BCKDHB: variants seen among roughly 807,000 people sequenced by gnomAD.
BCKDHB encodes the protein branched chain keto acid dehydrogenase E1 subunit beta, also known as 2-oxoisovalerate dehydrogenase subunit beta, mitochondrial.
Under a neutral mutation model 48.5 loss-of-function variants are expected in BCKDHB, and 41 were observed. That is an observed-to-expected ratio of 0.85 (90% CI 0.66 to 1.10). The LOEUF is 1.10. BCKDHB is among the 50% of genes least tolerant of loss of function. BCKDHB has a pLI of 0.00. For synonymous variants in BCKDHB, 201 were observed against 174.8 expected (o/e 1.15, Z -1.18); for missense variants, 496 against 494.2 (o/e 1.00, Z -0.03).
At chr6:80,354,076 A>G in the BCKDHB span, among the ~76,000 whole-genome samples, 1 of 152,116 alleles carries the variant, frequency 6.6e-6, no homozygotes, top group East Asian at 1.9e-4. Flanking sequence ...TAGATTCTGG[A>G]TATTAGTCTC....
intron 6 of BCKDHB, among the ~76,000 whole-genome samples, chr6:80,190,752 T>C (rs890098853): frequency 5.9e-5 from 9 of 152,234 alleles, no homozygotes; most frequent in Non-Finnish European, 1.3e-4. Flanking sequence ...CTTGCCCTTC[T>C]GTGTTTTCTT....
rs149654693 is a variant in BCKDHB at position 80,155,953 on chromosome 6, C to A, written c.344-11725C>A. Among the ~76,000 whole-genome samples the A allele has an allele frequency of 1.7e-3, 254 of 150,602 alleles. 1 individual carries two copies. The highest frequency in any genetic ancestry group is 6.0e-3 in the African/African-American group (245 of 41,010). ...CTAAAATAGTGCTTTTAAACATTTG[C>A]CACAGCTCCATGGATAGTTTGTTTT... On this transcript the variant is annotated intron_variant, in intron 3 of 9. Transcript: ENST00000320393.
chr6:80,444,118 T>C, the BCKDHB span, among the ~76,000 whole-genome samples: 1 of 152,180 alleles, frequency 6.6e-6, no homozygotes, highest in Admixed American at 6.6e-5. Flanking sequence ...TAGAAAATAG[T>C]GTTTTTGTGG....
At chr6:80,248,453 A>T (rs1234721992) in intron 8 of BCKDHB, among the ~76,000 whole-genome samples, 1 of 152,146 alleles carries the variant, frequency 6.6e-6, no homozygotes, top group Non-Finnish European at 1.5e-5. Context: ...TTGGTTTGAA[A>T]AAAGATTAAT....
chr6:80,283,291 T>G (rs1766453901), intron 9 of BCKDHB, among the ~76,000 whole-genome samples: 1 of 152,146 alleles, frequency 6.6e-6, no homozygotes, highest in Non-Finnish European at 1.5e-5. Context: ...CTTTTTGGTA[T>G]TGAATTTATC....
At chr6:80,415,944 T>TC in the BCKDHB span, among the ~76,000 whole-genome samples, 1 of 152,146 alleles carries the variant, frequency 6.6e-6, no homozygotes, top group Admixed American at 6.5e-5. Flanking sequence ...TGACTCAATT[T>TC]CAGAGCTTGT....
At chr6:80,268,778 A>G (rs554254338) in intron 8 of BCKDHB, among the ~76,000 whole-genome samples, 2 of 152,280 alleles carry the variant, frequency 1.3e-5, no homozygotes, top group South Asian at 4.1e-4. Flanking sequence ...TTTAAAGGCT[A>G]TATTCACTAA....
intron 9 of BCKDHB, among the ~76,000 whole-genome samples, chr6:80,326,133 G>A (rs1484502473): frequency 1.3e-5 from 2 of 152,088 alleles, no homozygotes; most frequent in African/African-American, 4.8e-5. Flanking sequence ...CCGGTTGTGG[G>A]ATATATGGGA....
chr6:80,311,369 A>C (rs1422733271), intron 9 of BCKDHB, among the ~76,000 whole-genome samples: 1 of 151,952 alleles, frequency 6.6e-6, no homozygotes. Flanking sequence ...AGATTGCAAA[A>C]ATTTTCTCCC....
chr6:80,216,769 C>G (rs1235782585), intron 8 of BCKDHB, among the ~76,000 whole-genome samples: 1 of 152,158 alleles, frequency 6.6e-6, no homozygotes, highest in African/African-American at 2.4e-5. Context: ...GCGTTTAACT[C>G]TCTCCCATTA....
At chr6:80,139,107 A>C (rs955582622) in intron 3 of BCKDHB, among the ~76,000 whole-genome samples, 3 of 152,130 alleles carry the variant, frequency 2.0e-5, no homozygotes, top group African/African-American at 7.2e-5. Flanking sequence ...TCTTCTTCTG[A>C]GAAGTGTCTG....
intron 3 of BCKDHB, among the ~76,000 whole-genome samples, chr6:80,132,470 A>T (rs1189335979): frequency 1.3e-5 from 2 of 152,200 alleles, no homozygotes; most frequent in Non-Finnish European, 2.9e-5. Context: ...TGTCTCAGGA[A>T]GGGGATTTCC....
At chr6:80,174,336 A>G (rs1330159800) in intron 6 of BCKDHB, among the ~76,000 whole-genome samples, 2 of 152,162 alleles carry the variant, frequency 1.3e-5, no homozygotes, top group African/African-American at 4.8e-5. Context: ...ACATTTTTAC[A>G]TAATGGTCCA....
intron 8 of BCKDHB, among the ~76,000 whole-genome samples, chr6:80,272,162 C>G (rs1057138267): frequency 6.6e-6 from 1 of 152,058 alleles, no homozygotes; most frequent in East Asian, 1.9e-4. Flanking sequence ...TGGCTACTGG[C>G]TATATCTGAG....
At chr6:80,449,703 G>A in the BCKDHB span, among the ~76,000 whole-genome samples, 1 of 152,260 alleles carries the variant, frequency 6.6e-6, no homozygotes, top group East Asian at 1.9e-4. Flanking sequence ...CCCACTCTTA[G>A]AGATGGTGAT....
chr6:80,195,792 G>C (rs59552964), intron 6 of BCKDHB, among the ~76,000 whole-genome samples: 12,178 of 152,120 alleles, frequency 0.08, 564 homozygotes, highest in South Asian at 0.099. Flanking sequence ...GTAGATTTAC[G>C]CCCCTCCTAC....
At chr6:80,411,715 C>G in the BCKDHB span, among the ~76,000 whole-genome samples, 1 of 152,376 alleles carries the variant, frequency 6.6e-6, no homozygotes, top group Non-Finnish European at 1.5e-5. Flanking sequence ...GCAGGTTGAT[C>G]TCAGACTGCT....
chr6:80,139,941 A>G (rs1214672100), intron 3 of BCKDHB, among the ~76,000 whole-genome samples: 4 of 152,018 alleles, frequency 2.6e-5, no homozygotes, highest in Non-Finnish European at 4.4e-5. Context: ...CATGAGCATG[A>G]AATGTTCTTC....
chr6:80,298,319 G>A lies in BCKDHB; in HGVS notation c.1038+25098G>A, dbSNP rs542091401. ...GTAGAGACAGGGTTTTGCCATGTTG[G>A]CCAGGCTGGTCACACCTGGCCTCAA... On this transcript the variant is annotated intron_variant, in intron 9 of 9. Transcript: ENST00000320393. Among the ~76,000 whole-genome samples the A allele has an allele frequency of 5.8e-4, 88 of 152,192 alleles. 1 individual carries two copies. Among genetic ancestry groups the A allele is most frequent in the Middle Eastern group, 6.8e-3 (2 of 294 alleles).
Sources: allele counts gnomAD v4.1 joint callset (sites outside exome capture counted in the v4.1 genomes callset), GRCh38; gene constraint gnomAD v4.1.1; transcripts MANE v1.5; gene names NCBI Gene and HGNC (gene_info 2026-07-23, HGNC 2026-07-21).